Variants in ENOX1 observed in about 807,000 individuals in gnomAD.
ENOX1 encodes the protein ecto-NOX disulfide-thiol exchanger 1.
A neutral mutation model predicts 82.5 loss-of-function variants in ENOX1; 42 were observed. That is an observed-to-expected ratio of 0.51 (90% CI 0.40 to 0.66). ENOX1 has a LOEUF of 0.66. Ranked by LOEUF, ENOX1 falls within the 30% of genes least tolerant of loss-of-function variation. The pLI is 0.00. For missense variants in ENOX1, 608 were observed against 811.6 expected (o/e 0.75, Z 3.05); for synonymous variants, 271 against 282.2 (o/e 0.96, Z 0.40).
intron 3 of ENOX1, among the ~76,000 whole-genome samples, chr13:43,456,293 T>C (rs2057226137): frequency 6.6e-6 from 1 of 152,024 alleles, no homozygotes. Flanking sequence ...TATCCTCAAA[T>C]ATCTGATGGC....
chr13:43,297,970 G>A (rs577776805), intron 12 of ENOX1, among the ~76,000 whole-genome samples: 1 of 152,282 alleles, frequency 6.6e-6, no homozygotes, highest in South Asian at 2.1e-4. Context: ...CAAACAAACT[G>A]CTTTTGTAAA....
chr13:43,296,647 C>T (rs1382420936), intron 12 of ENOX1, among the ~76,000 whole-genome samples: 1 of 152,212 alleles, frequency 6.6e-6, no homozygotes, highest in Non-Finnish European at 1.5e-5. Flanking sequence ...AGGAGGATGG[C>T]TCAGGTGGTG....
intron 3 of ENOX1, among the ~76,000 whole-genome samples, chr13:43,429,624 T>A (rs2055541031): frequency 6.6e-6 from 1 of 152,144 alleles, no homozygotes; most frequent in Admixed American, 6.6e-5. Context: ...ATGGCAGGGA[T>A]CTTTTGGATA....
chr13:43,415,362 G>C (rs1461050971), intron 3 of ENOX1, among the ~76,000 whole-genome samples: 1 of 150,480 alleles, frequency 6.6e-6, no homozygotes, highest in Non-Finnish European at 1.5e-5. Context: ...ATGAACAAAG[G>C]TCTCTGGTTT....
rs1171691884 is a variant in ENOX1, at chr13:43,213,894, G to T, written c.*96C>A. ...AGGCTTCGATGGCTCCACAAAGGTT[G>T]CGTGCTGGACCAACCCCACACCTCC... On this transcript the variant is annotated 3_prime_UTR_variant, in exon 17 of 17. Transcript: ENST00000690772. 4 of 1,394,004 alleles carry T rather than the reference G, an allele frequency of 2.9e-6. No homozygotes were observed. Among genetic ancestry groups the T allele is most frequent in the Middle Eastern group, 3.7e-4 (2 of 5,382 alleles). The allele number at this position is 1,394,004 out of a possible 1,614,324, so 86.4% of individuals were successfully genotyped here.
chr13:43,640,578 C>G (rs188115191), intron 2 of ENOX1, among the ~76,000 whole-genome samples: 1 of 152,148 alleles, frequency 6.6e-6, no homozygotes, highest in Admixed American at 6.5e-5. Flanking sequence ...AAAGTAGTTA[C>G]TTGAGTAATA....
At chr13:43,432,155 T>C (rs1450798265) in intron 3 of ENOX1, among the ~76,000 whole-genome samples, 2 of 152,142 alleles carry the variant, frequency 1.3e-5, no homozygotes, top group Non-Finnish European at 2.9e-5. Flanking sequence ...TTCCTTCTCT[T>C]TGGAACTGTG....
intron 5 of ENOX1, among the ~76,000 whole-genome samples, chr13:43,365,094 G>A (rs899363376): frequency 6.6e-6 from 1 of 152,210 alleles, no homozygotes; most frequent in Non-Finnish European, 1.5e-5. Context: ...GGGCTCCGGT[G>A]CCTGGGCCGC....
chr13:43,525,615 C>A (rs1359583608), intron 2 of ENOX1, among the ~76,000 whole-genome samples: 1 of 152,034 alleles, frequency 6.6e-6, no homozygotes, highest in Non-Finnish European at 1.5e-5. Context: ...CACAAGGGTT[C>A]CAATTTCTGT....
intron 9 of ENOX1, among the ~76,000 whole-genome samples, chr13:43,338,676 G>GTTTTTTTT (rs71099830): frequency 4.9e-5 from 4 of 81,262 alleles, no homozygotes; most frequent in Non-Finnish European, 9.2e-5. Context: ...TTCAGGTTGG[G>GTTTTTTTT]TTTTTTTTTT....
At chr13:43,727,021 C>T (rs933453384) in intron 1 of ENOX1, among the ~76,000 whole-genome samples, 11 of 152,116 alleles carry the variant, frequency 7.2e-5, no homozygotes, top group African/African-American at 2.4e-4. Context: ...GGATTACAGG[C>T]GTGTGCATGG....
chr13:43,659,582 T>C (rs1225116566), intron 2 of ENOX1, among the ~76,000 whole-genome samples: 1 of 152,168 alleles, frequency 6.6e-6, no homozygotes, highest in African/African-American at 2.4e-5. Flanking sequence ...CTCATGATAT[T>C]AGACATTTCC....
rs563107470 is a variant in ENOX1, at chr13:43,510,596, C to T, written c.-218-26444G>A. The stretch of plus-strand genomic sequence containing the variant: ...CTAAAGGCTCTGACAAAGCCATTGC[C>T]CGCATTTTGATTCCTTCTACTGGGC... On this transcript the variant is annotated intron_variant, in intron 2 of 16. Coordinates refer to ENST00000690772, the MANE Select transcript of ENOX1 (RefSeq NM_001347969.2). Among the ~76,000 whole-genome samples, 3 of 152,172 alleles carry T rather than the reference C, an allele frequency of 2.0e-5. No individual in the cohort carries two copies. In the South Asian group the frequency reaches 6.2e-4, roughly 32 times the overall value.
At chr13:43,762,979 ACT>A (rs34033206) in intron 1 of ENOX1, among the ~76,000 whole-genome samples, 1,954 of 152,194 alleles carry the variant, frequency 0.013, 37 homozygotes, top group African/African-American at 0.044. Flanking sequence ...TAATAAATTA[ACT>A]CTCTTTATTA....
At chr13:43,351,168 T>C (rs55900612) in intron 8 of ENOX1, among the ~76,000 whole-genome samples, 8,946 of 152,320 alleles carry the variant, frequency 0.059, 356 homozygotes, top group Non-Finnish European at 0.088. Context: ...TTTCTGTACA[T>C]GTCCCTAAAG....
At chr13:43,478,010 G>C (rs2153653515) in intron 3 of ENOX1, among the ~76,000 whole-genome samples, 1 of 148,092 alleles carries the variant, frequency 6.8e-6, no homozygotes, top group South Asian at 2.2e-4. Flanking sequence ...TATTAATTTT[G>C]GATCATGTGT....
chr13:43,487,564 T>C (rs1236344845), intron 2 of ENOX1, among the ~76,000 whole-genome samples: 1 of 152,118 alleles, frequency 6.6e-6, no homozygotes, highest in African/African-American at 2.4e-5. Context: ...TCCCATGGGG[T>C]CCTGTTCTAT....
In ENOX1 at chr13:43,749,788, C is replaced by G. The variant is rs547182175; in HGVS notation, c.-285+36864G>C. Among the ~76,000 whole-genome samples the G allele has an allele frequency of 1.4e-4, 21 of 152,352 alleles. No individual in the cohort carries two copies. The South Asian group carries it at 4.1e-3, about 30-fold the overall frequency. The stretch of plus-strand genomic sequence containing the variant: ...TTAGTAACTCAACAATTAGTCATCA[C>G]AGCAAAACTATGAAGCATGTAAAAG... On this transcript the variant is annotated intron_variant, in intron 1 of 16. Transcript: ENST00000690772.
At chr13:43,663,690 A>T (rs1354355856) in intron 2 of ENOX1, among the ~76,000 whole-genome samples, 1 of 148,286 alleles carries the variant, frequency 6.7e-6, no homozygotes, top group East Asian at 1.9e-4. Flanking sequence ...TGAATGAACA[A>T]ACGAATGAAC....
Sources: allele counts gnomAD v4.1 joint callset (sites outside exome capture counted in the v4.1 genomes callset), GRCh38; gene constraint gnomAD v4.1.1; transcripts MANE v1.5; gene names NCBI Gene and HGNC (gene_info 2026-07-23, HGNC 2026-07-21).